PCSK2: variants seen among roughly 807,000 people sequenced by gnomAD.
PCSK2 encodes proprotein convertase subtilisin/kexin type 2.
In PCSK2, 14 loss-of-function variants were observed where a neutral mutation model predicts 69.7. The ratio of observed to expected loss-of-function variants is 0.20; its 90% CI spans 0.13 to 0.31. The LOEUF (loss-of-function observed/expected upper bound fraction) is 0.31. PCSK2 is among the 10% of genes least tolerant of loss of function. The probability of loss-of-function intolerance (pLI) is 1.00; values close to 1 mark genes in which losing one functional copy is unlikely to be tolerated. For synonymous variants in PCSK2, 307 were observed against 320.7 expected (o/e 0.96, Z 0.46); for missense variants, 544 against 842.5 (o/e 0.65, Z 4.39).
At chr20:17,303,482 A>AT (rs1215340740) in intron 2 of PCSK2, among the ~76,000 whole-genome samples, 1,194 of 59,510 alleles carry the variant, frequency 0.02, 30 homozygotes, top group African/African-American at 0.064. Context: ...TATATATAAT[A>AT]TATATTATAT....
chr20:17,260,405 G>A (rs1354996276), intron 2 of PCSK2, 61 bp downstream of exon 2: 2 of 1,109,026 alleles, frequency 1.8e-6, no homozygotes, highest in Non-Finnish European at 2.8e-6. Context: ...CCCACCAAGG[G>A]GGTGTGGAGG....
At chr20:17,435,797 C>T (rs1038702798) in intron 7 of PCSK2, among the ~76,000 whole-genome samples, 1 of 152,178 alleles carries the variant, frequency 6.6e-6, no homozygotes, top group Admixed American at 6.5e-5. Flanking sequence ...CATGTGACCC[C>T]GTCAGCGAAG....
At chr20:17,254,583 C>T (rs1383462258) in intron 1 of PCSK2, among the ~76,000 whole-genome samples, 2 of 152,122 alleles carry the variant, frequency 1.3e-5, no homozygotes, top group Non-Finnish European at 2.9e-5. Context: ...ATGCCAGTAC[C>T]ATACTACTTT....
intron 8 of PCSK2, among the ~76,000 whole-genome samples, chr20:17,445,183 C>A (rs889431997): frequency 6.6e-6 from 1 of 152,146 alleles, no homozygotes; most frequent in Non-Finnish European, 1.5e-5. Flanking sequence ...CAAAAACCAG[C>A]CATTATGGGA....
intron 2 of PCSK2, among the ~76,000 whole-genome samples, chr20:17,327,065 A>C (rs1003206413): frequency 6.6e-6 from 1 of 152,118 alleles, no homozygotes; most frequent in Non-Finnish European, 1.5e-5. Context: ...TCTAGACCCA[A>C]CTCCAAGCTT....
At chr20:17,338,170 T>TG (rs765753082) in intron 2 of PCSK2, among the ~76,000 whole-genome samples, 14,873 of 99,108 alleles carry the variant, frequency 0.15, 1,423 homozygotes, top group Non-Finnish European at 0.24. Flanking sequence ...TACATTTTTT[T>TG]TGGGGGGGGG....
rs1462048815 is a variant in PCSK2, at chr20:17,227,082, C to G, written c.-224C>G. 2 of 552,554 alleles carry G rather than the reference C, an allele frequency of 3.6e-6. No individual in the cohort carries two copies. Among genetic ancestry groups the G allele is most frequent in the East Asian group, 5.9e-5 (2 of 33,696 alleles). The allele number at this position is 552,554 out of a possible 1,614,324, so 34.2% of individuals were successfully genotyped here. On this transcript the variant is annotated 5_prime_UTR_variant, in exon 1 of 12. Transcript: ENST00000262545. ...CACACAGCTCCCCACATTCGCACCC[C>G]TGCCCGCGCGCCGGGCCGCCTGACT...
At chr20:17,450,071 A>T (rs1380952929) in intron 8 of PCSK2, among the ~76,000 whole-genome samples, 6 of 107,818 alleles carry the variant, frequency 5.6e-5, no homozygotes, top group African/African-American at 7.2e-5. Flanking sequence ...ACTGTCGCCT[A>T]GGCTGGAGTG....
intron 5 of PCSK2, 83 bp downstream of exon 5, chr20:17,369,360 C>CTACATGTCT: frequency 9.5e-7 from 1 of 1,051,590 alleles, no homozygotes; most frequent in Non-Finnish European, 1.5e-6. Context: ...ATGCACATGT[C>CTACATGTCT]TACATGTCTA....
chr20:17,332,738 A>T (rs1990237383), intron 2 of PCSK2, among the ~76,000 whole-genome samples: 1 of 152,194 alleles, frequency 6.6e-6, no homozygotes, highest in African/African-American at 2.4e-5. Flanking sequence ...AAGAACACCA[A>T]GAAACTGAGC....
chr20:17,423,785 T>C (rs1299716044), intron 6 of PCSK2, among the ~76,000 whole-genome samples: 1 of 152,152 alleles, frequency 6.6e-6, no homozygotes, highest in South Asian at 2.1e-4. Flanking sequence ...ATAAATACCC[T>C]TGTAGAAGAA....
intron 2 of PCSK2, among the ~76,000 whole-genome samples, chr20:17,357,963 C>A (rs2030260465): frequency 6.6e-6 from 1 of 151,854 alleles, no homozygotes; most frequent in Non-Finnish European, 1.5e-5. Context: ...TTTGAGTCAT[C>A]ACCAAAGCCT....
At chr20:17,273,382 GC>G (rs758431595) in intron 2 of PCSK2, among the ~76,000 whole-genome samples, 4 of 152,018 alleles carry the variant, frequency 2.6e-5, no homozygotes, top group Non-Finnish European at 5.9e-5. Flanking sequence ...GAAATAAATT[GC>G]CTTAATTTTT....
intron 7 of PCSK2, among the ~76,000 whole-genome samples, chr20:17,433,892 C>T (rs1173522941): frequency 9.7e-6 from 1 of 103,380 alleles, no homozygotes; most frequent in African/African-American, 3.6e-5. Flanking sequence ...CTCCTCCCCC[C>T]CCCTTCCTAC....
rs1986178588 is a variant in PCSK2 at position 17,232,544 on chromosome 20, CTTT to C, written c.177+5065_177+5067del. ...TTTTCTTTTGGGTTGTCCATCTTCA[CTTT>C]TTATTTGTAGGATTTCTTTACCTAT... On this transcript the variant is annotated intron_variant, in intron 1 of 11. Coordinates refer to ENST00000262545, the MANE Select transcript of PCSK2 (RefSeq NM_002594.5). Among the ~76,000 whole-genome samples the C allele has an allele frequency of 2.6e-5, 4 of 152,270 alleles. No homozygotes were observed. In the South Asian group the frequency reaches 8.3e-4, roughly 32 times the overall value.
chr20:17,258,370 A>AT (rs896178802), intron 1 of PCSK2, among the ~76,000 whole-genome samples: 2 of 152,018 alleles, frequency 1.3e-5, no homozygotes, highest in Non-Finnish European at 2.9e-5. Context: ...TGATTTGGCA[A>AT]TTTTTTTCAG....
intron 2 of PCSK2, among the ~76,000 whole-genome samples, chr20:17,310,453 A>G (rs1311048725): frequency 6.6e-6 from 1 of 152,168 alleles, no homozygotes; most frequent in East Asian, 1.9e-4. Context: ...ATAATAATAT[A>G]TTAATAGCCA....
At chr20:17,311,019 T>A (rs1353909278) in intron 2 of PCSK2, among the ~76,000 whole-genome samples, 14 of 121,120 alleles carry the variant, frequency 1.2e-4, no homozygotes, top group Non-Finnish European at 1.6e-4. Flanking sequence ...AAAAAAAAAA[T>A]CATGGAAAAA....
chr20:17,475,200 G>A (rs1430345501), intron 11 of PCSK2, among the ~76,000 whole-genome samples: 2 of 151,878 alleles, frequency 1.3e-5, no homozygotes, highest in African/African-American at 2.4e-5. Context: ...CCGCTTGGGG[G>A]CAGGAGCATT....
Sources: gnomAD v4.1 joint callset for allele counts (sites outside exome capture counted in the v4.1 genomes callset) on GRCh38, gnomAD v4.1.1 for gene constraint, MANE v1.5 for transcripts, NCBI Gene and HGNC (gene_info 2026-07-23, HGNC 2026-07-21) for gene names.